CELSR2: variants seen among roughly 807,000 people sequenced by gnomAD.
The protein encoded by CELSR2 is EGF-like protein 2.
CELSR2 carries 81 observed loss-of-function variants against 251.6 expected under a neutral mutation model. The ratio of observed to expected loss-of-function variants is 0.32; its 90% confidence interval spans 0.27 to 0.39. The LOEUF (loss-of-function observed/expected upper bound fraction) is 0.39. Ranked by LOEUF, CELSR2 falls within the 10% of genes least tolerant of loss-of-function variation. The probability of loss-of-function intolerance (pLI) is 1.00; values close to 1 mark genes in which losing one functional copy is unlikely to be tolerated. For synonymous variants in CELSR2, 1,721 were observed against 1,670.5 expected (o/e 1.03, Z -0.74); for missense variants, 3,365 against 3,947.7 (o/e 0.85, Z 3.96).
chr1:109,252,610 C>G lies in CELSR2; in HGVS notation c.2531C>G (p.Ser844Cys). Residue 844 changes from serine (S) to cysteine (C), a missense_variant, in exon 1 of 34, where the codon TCT becomes TGT. By Grantham distance (112) the Ser-to-Cys change is moderately radical. Around this residue, in one of 5 missense-constraint regions of CELSR2, gnomAD observed 505 missense variants for 660.0 expected, o/e 0.77. Coordinates refer to ENST00000271332, the MANE Select transcript of CELSR2 (RefSeq NM_001408.3). The surrounding 1 kb of genome is among the most constrained non-coding windows in gnomAD (Gnocchi z 4.8). Reference protein sequence around the residue: ...VLQISATDRDSGLNGRVFYTF... With the variant: ...VLQISATDRDCGLNGRVFYTF... ...CAGATCTCAGCCACTGATCGTGATT[C>G]TGGACTTAATGGCAGGGTCTTCTAC... is the stretch of plus-strand genomic sequence containing the variant. The G allele has an allele frequency of 6.2e-7, 1 of 1,613,928 alleles. No homozygotes were observed. The highest frequency in any genetic ancestry group is 1.7e-5 in the Admixed American group (1 of 60,022).
At chr1:109,271,815 T>C in intron 28 of CELSR2, 93 bp downstream of exon 28, 1 of 1,458,672 alleles carries the variant, frequency 6.9e-7, no homozygotes, top group Non-Finnish European at 9.4e-7. Context: ...CCCCTTTCTC[T>C]TTTCTCCATC....
In CELSR2 at chr1:109,253,277, G is replaced by A. The variant is rs893507945; in HGVS notation, c.3198G>A (p.Arg1066=). The A allele has an allele frequency of 6.2e-7, 1 of 1,613,356 alleles. No individual in the cohort carries two copies. Among genetic ancestry groups the A allele is most frequent in the African/African-American group, 1.3e-5 (1 of 74,930 alleles). Residue 1066 remains arginine (R), a synonymous_variant, in exon 1 of 34, where the codon CGG becomes CGA. Transcript: ENST00000271332. ...ISDSLTYSFE[R]GNELSLVLLN... ...ATAGTCTGACTTACAGCTTTGAGCG[G>A]GGAAATGAACTCAGCCTGGTCCTGC...
Position 109,271,055 on chromosome 1 carries a change from T to A in CELSR2, c.7596+16T>A. 6.2e-7 allele frequency: 1 copy of A among 1,600,948 alleles called. No homozygotes were observed. Among genetic ancestry groups the A allele is most frequent in the Non-Finnish European group, 8.6e-7 (1 of 1,169,074 alleles). On this transcript the variant is annotated intron_variant, in intron 25 of 33. Transcript: ENST00000271332. ...TGCCGTCTCGGTGAGTGCTAGCAGG[T>A]GGGTTGGGTGTCACCTGTGGCCCTC...
rs780502504 is a variant in CELSR2 at position 109,272,394 on chromosome 1, C to G, written c.8043C>G (p.Pro2681=). 9.9e-6 allele frequency: 16 copies of G among 1,609,116 alleles called. No homozygotes were observed. Among genetic ancestry groups the G allele is most frequent in the Non-Finnish European group, 3.4e-6 (4 of 1,176,684 alleles). Residue 2681 remains proline (P), a synonymous_variant, in exon 29 of 34, where the codon CCC becomes CCG. Coordinates refer to ENST00000271332, the MANE Select transcript of CELSR2 (RefSeq NM_001408.3). ...RSGKSQPSYI[P]FLLREESALN... ...GCAAGAGTCAGCCCAGCTACATCCC[C>G]TTCTTGCTGAGGTGAATCCCGGAGA...
chr1:109,273,695 C>CG, intron 33 of CELSR2, 25 bp downstream of exon 33: 74 of 504,362 alleles, frequency 1.5e-4, no homozygotes, highest in Middle Eastern at 6.9e-4. Context: ...GTGGGCGGGA[C>CG]GGGGTGCAGC....
rs1656490589 is a variant in CELSR2, at chr1:109,275,029, C to CG, written c.*980_*981insG. On this transcript the variant is annotated 3_prime_UTR_variant, in exon 34 of 34. Transcript: ENST00000271332. Reference sequence around the variant, plus strand: ...GGTGTCCACTCACCCACCCCACCCCCCAAAATCAGACAAATGCTACTTTGT... The same window carrying CG: ...GGTGTCCACTCACCCACCCCACCCCCGCAAAATCAGACAAATGCTACTTTGT... 6.6e-6 allele frequency: 1 copy of CG among 152,598 alleles called. No individual in the cohort carries two copies. Among genetic ancestry groups the CG allele is most frequent in the Non-Finnish European group, 1.5e-5 (1 of 68,040 alleles). The allele number at this position is 152,598 out of a possible 1,614,324, so 9.5% of individuals were successfully genotyped here.
chr1:109,270,195 A>T, intron 23 of CELSR2, 62 bp downstream of exon 23: 2 of 1,536,082 alleles, frequency 1.3e-6, no homozygotes, highest in South Asian at 1.1e-5. Flanking sequence ...CCCAGCCCCC[A>T]CTGGCAACCC....
At chr1:109,271,577 C>G (rs1020654203) in intron 27 of CELSR2, 23 bp from the exon 28 acceptor site, 3 of 1,614,118 alleles carry the variant, frequency 1.9e-6, no homozygotes, top group African/African-American at 1.3e-5. Flanking sequence ...ATGCACAGAC[C>G]GTTGCTGCCT....
At chr1:109,268,142 A>G in intron 17 of CELSR2, 82 bp downstream of exon 17, 1 of 1,509,582 alleles carries the variant, frequency 6.6e-7, no homozygotes, top group Admixed American at 1.9e-5. Flanking sequence ...TGGGGGGCAG[A>G]GGGGGCCCTC....
At position 109,252,641 on chromosome 1, in the gene CELSR2, C is replaced by A. The variant is rs1175584459; in HGVS notation, c.2562C>A (p.Phe854Leu). Residue 854 changes from phenylalanine (F) to leucine (L), a missense_variant, in exon 1 of 34, where the codon TTC becomes TTA. Around this residue, in one of 5 missense-constraint regions of CELSR2, gnomAD observed 505 missense variants for 660.0 expected, o/e 0.77. Transcript: ENST00000271332. This position sits in a 1 kb window ranked among gnomAD's most constrained non-coding sequence, Gnocchi z 4.8. The stretch of plus-strand genomic sequence containing the variant: ...TTAATGGCAGGGTCTTCTACACCTT[C>A]CAAGGAGGCGACGATGGAGACGGTG... ...SGLNGRVFYT[F>L]QGGDDGDGDF... 9 of 1,613,754 alleles carry A rather than the reference C, an allele frequency of 5.6e-6. No homozygotes were observed. The highest frequency in any genetic ancestry group is 7.6e-6 in the Non-Finnish European group (9 of 1,180,048).
intron 24 of CELSR2, 141 bp downstream of exon 24, chr1:109,270,741 T>A: frequency 8.5e-7 from 1 of 1,179,510 alleles, no homozygotes; most frequent in Non-Finnish European, 1.2e-6. Context: ...CCCTCTGGTT[T>A]AACCCAGACT....
chr1:109,252,827 C>T lies in CELSR2; in HGVS notation c.2748C>T (p.Asp916=). The T allele has an allele frequency of 1.2e-6, 2 of 1,614,020 alleles. No individual in the cohort carries two copies. Among genetic ancestry groups the T allele is most frequent in the Non-Finnish European group, 1.7e-6 (2 of 1,180,000 alleles). ...EVTVTVLDVN[D]NPPVFEQDEF... The stretch of plus-strand genomic sequence containing the variant: ...CAGTCACTGTGTTGGATGTGAATGA[C>T]AATCCCCCTGTCTTTGAGCAGGATG... The change falls in exon 1 of 34, where the codon GAC becomes GAT. Residue 916 remains aspartate (D), a synonymous_variant. Coordinates refer to ENST00000271332, the MANE Select transcript of CELSR2 (RefSeq NM_001408.3). This position sits in a 1 kb window ranked among gnomAD's most constrained non-coding sequence, Gnocchi z 4.8.
At position 109,261,208 on chromosome 1, in the gene CELSR2, C is replaced by T. The variant is rs916619634; in HGVS notation, c.4125C>T (p.His1375=). 6.2e-7 allele frequency: 1 copy of T among 1,614,016 alleles called. No individual in the cohort carries two copies. Among genetic ancestry groups the T allele is most frequent in the African/African-American group, 1.3e-5 (1 of 74,948 alleles). ...CQVTTRSFPA[H]SFITFRGLRQ... ...TGACCACGCGCAGCTTCCCCGCCCA[C>T]TCCTTCATCACCTTTCGCGGCCTGC... Residue 1375 remains histidine (H), a synonymous_variant, in exon 3 of 34, where the codon CAC becomes CAT. Coordinates refer to ENST00000271332, the MANE Select transcript of CELSR2 (RefSeq NM_001408.3). This position sits in a 1 kb window ranked among gnomAD's most constrained non-coding sequence, Gnocchi z 4.8.
chr1:109,256,003 C>T (rs563898102), intron 1 of CELSR2, among the ~76,000 whole-genome samples: 8 of 152,332 alleles, frequency 5.3e-5, no homozygotes, highest in African/African-American at 1.4e-4. Context: ...AAGTTTCTCC[C>T]GCTCCATGGC....
rs1463161332 is a variant in CELSR2 at position 109,261,786 on chromosome 1, G to T, written c.4298-22G>T. The T allele has an allele frequency of 5.1e-6, 8 of 1,578,762 alleles. No homozygotes were observed. In the Admixed American group the frequency reaches 9.0e-5, roughly 18 times the overall value. The stretch of plus-strand genomic sequence containing the variant: ...TTCCTAGCCCTCGTCAGGCATTCCA[G>T]CTCACCTGGTCCTTTCCCCAGGGGA... On this transcript the variant is annotated intron_variant, in intron 4 of 33. Coordinates refer to ENST00000271332, the MANE Select transcript of CELSR2 (RefSeq NM_001408.3). This position sits in a 1 kb window ranked among gnomAD's most constrained non-coding sequence, Gnocchi z 4.8.
At position 109,265,872 on chromosome 1, in the gene CELSR2, C is replaced by T; in HGVS notation, c.5865C>T (p.Asp1955=). The stretch of plus-strand genomic sequence containing the variant: ...CAGGTGTCATCGGGCGTCAGTGTGA[C>T]CGCTGTGACAACCCTTTTGCTGAGG... ...CKPGVIGRQC[D]RCDNPFAEVT... The change falls in exon 14 of 34, where the codon GAC becomes GAT. Residue 1955 remains aspartate, a synonymous_variant. Coordinates refer to ENST00000271332, the MANE Select transcript of CELSR2 (RefSeq NM_001408.3). The T allele has an allele frequency of 6.2e-7, 1 of 1,614,046 alleles. No homozygotes were observed. The highest frequency in any genetic ancestry group is 8.5e-7 in the Non-Finnish European group (1 of 1,179,998).
Position 109,273,185 on chromosome 1 carries a change from C to G in CELSR2, c.8358C>G (p.Gly2786=), listed in dbSNP as rs751764580. The change falls in exon 32 of 34, where the codon GGC becomes GGG. Residue 2786 remains glycine (G), a synonymous_variant. Transcript: ENST00000271332. The part of the protein sequence containing the change: ...STPKDGGPGP[G]KAPWPGDFGT... Reference sequence around the variant, plus strand: ...CACCAGATGGGGGCCCAGGGCCTGGCAAGGCCCCCTGGCCAGGAGACTTTG... The same window carrying G: ...CACCAGATGGGGGCCCAGGGCCTGGGAAGGCCCCCTGGCCAGGAGACTTTG... The G allele has an allele frequency of 1.2e-5, 19 of 1,607,240 alleles. No individual in the cohort carries two copies. Among genetic ancestry groups the G allele is most frequent in the Middle Eastern group, 3.3e-4 (2 of 6,060 alleles).
chr1:109,250,896 G>A lies in CELSR2; in HGVS notation c.817G>A (p.Ala273Thr), dbSNP rs1399444663. The change falls in exon 1 of 34, where the codon GCT (alanine) becomes ACT (threonine). Residue 273 changes from alanine to threonine, a missense_variant. Coordinates refer to ENST00000271332, the MANE Select transcript of CELSR2 (RefSeq NM_001408.3). The surrounding 1 kb of genome is among the most constrained non-coding windows in gnomAD (Gnocchi z 4.4). ...CGGCATGCCCCGACGAAGTGCCCTG[G>A]CTACACTCACCATCTTGGTTACTGA... Reference protein sequence around the residue: ...DHGMPRRSALATLTILVTDTN... With the variant: ...DHGMPRRSALTTLTILVTDTN... 1 of 1,613,868 alleles carries A rather than the reference G, an allele frequency of 6.2e-7. No individual in the cohort carries two copies. The highest frequency in any genetic ancestry group is 8.5e-7 in the Non-Finnish European group (1 of 1,180,046).
At chr1:109,259,366 A>G (rs1655955722) in intron 2 of CELSR2, among the ~76,000 whole-genome samples, 1 of 152,232 alleles carries the variant, frequency 6.6e-6, no homozygotes, top group African/African-American at 2.4e-5. Context: ...TGCCGCTAGT[A>G]GCTGTGTGAC....
Sources: allele counts gnomAD v4.1 joint callset (sites outside exome capture counted in the v4.1 genomes callset), GRCh38; gene constraint gnomAD v4.1.1; regional missense constraint gnomAD v4.1.1; non-coding constraint Gnocchi (gnomAD v3.1); transcripts MANE v1.5; gene names NCBI Gene and HGNC (gene_info 2026-07-23, HGNC 2026-07-21).